PJA2: variants seen among roughly 807,000 people sequenced by gnomAD.
The protein encoded by PJA2 is E3 ubiquitin-protein ligase Praja-2.
Under a neutral mutation model 69.3 loss-of-function variants are expected in PJA2, and 25 were observed. That is an observed-to-expected ratio of 0.36 (90% CI 0.26 to 0.50). PJA2 has a LOEUF of 0.50. Ranked by LOEUF, PJA2 falls within the 20% of genes least tolerant of loss-of-function variation. PJA2 has a pLI of 0.96. For missense variants in PJA2, 809 were observed against 830.2 expected (o/e 0.97, Z 0.31); for synonymous variants, 308 against 277.8 (o/e 1.11, Z -1.08).
chr5:109,403,059 A>T (rs1038720346), intron 1 of PJA2, among the ~76,000 whole-genome samples: 8 of 151,020 alleles, frequency 5.3e-5, no homozygotes, highest in Non-Finnish European at 8.9e-5. Context: ...ACTAACAATT[A>T]AAAAAAAAGC....
intron 5 of PJA2, among the ~76,000 whole-genome samples, chr5:109,367,714 C>A (rs527507705): frequency 1.3e-5 from 2 of 152,150 alleles, no homozygotes; most frequent in Non-Finnish European, 2.9e-5. Flanking sequence ...ATCCAGCAGC[C>A]CATTAAAATA....
chr5:109,370,928 A>AT (rs1762665714), intron 4 of PJA2, among the ~76,000 whole-genome samples: 4 of 152,190 alleles, frequency 2.6e-5, no homozygotes, highest in Admixed American at 2.6e-4. Context: ...TATTAATCAA[A>AT]TAACTCATGG....
chr5:109,365,763 A>G (rs1349710162), intron 5 of PJA2, among the ~76,000 whole-genome samples: 2 of 152,204 alleles, frequency 1.3e-5, no homozygotes, highest in Non-Finnish European at 2.9e-5. Flanking sequence ...AATTATGCAA[A>G]GTACAATAGT....
At chr5:109,408,121 C>T (rs1747732187) in intron 1 of PJA2, among the ~76,000 whole-genome samples, 1 of 152,098 alleles carries the variant, frequency 6.6e-6, no homozygotes, top group African/African-American at 2.4e-5. Context: ...GGAACCCATG[C>T]TCCAGAAATA....
intron 4 of PJA2, 75 bp downstream of exon 4, chr5:109,378,129 G>T: frequency 9.7e-7 from 1 of 1,032,054 alleles, no homozygotes; most frequent in Non-Finnish European, 1.4e-6. Context: ...AAATAGCCCA[G>T]CCATCAAACA....
intron 9 of PJA2, among the ~76,000 whole-genome samples, chr5:109,341,146 G>A (rs1320183056): frequency 1.8e-5 from 2 of 109,340 alleles, no homozygotes; most frequent in African/African-American, 6.5e-5. Context: ...GCCCAGTCTG[G>A]AAAGTGAGGA....
intron 1 of PJA2, among the ~76,000 whole-genome samples, chr5:109,399,137 C>A (rs544635700): frequency 6.7e-6 from 1 of 148,250 alleles, no homozygotes; most frequent in African/African-American, 2.5e-5. Flanking sequence ...CTTTAACCTG[C>A]GTGGCAGAGG....
chr5:109,380,835 A>G (rs1331191935), intron 3 of PJA2, among the ~76,000 whole-genome samples: 1 of 149,716 alleles, frequency 6.7e-6, no homozygotes, highest in African/African-American at 2.4e-5. Context: ...AACGCCAGGC[A>G]TGGTGACTCA....
At chr5:109,375,273 G>C (rs1446980729) in intron 4 of PJA2, among the ~76,000 whole-genome samples, 1 of 152,158 alleles carries the variant, frequency 6.6e-6, no homozygotes, top group Admixed American at 6.5e-5. Context: ...ACTCTGGGAG[G>C]CTGAGGCGGG....
rs1174257401 is a variant in PJA2, at chr5:109,336,296, T to C, written c.*935A>G. 6.6e-6 allele frequency: 1 copy of C among 152,208 alleles called. No homozygotes were observed. Among genetic ancestry groups the C allele is most frequent in the Non-Finnish European group, 1.5e-5 (1 of 68,032 alleles). 9.4% of individuals were successfully genotyped at this position (152,208 alleles called of 1,614,324 possible). A position where few individuals can be genotyped will look rare whatever the true frequency, so the allele number is the denominator to read the frequency against. ...GTGTGATCACCTGAAGGAGACATTG[T>C]GCATCTTAGTTTGGGGTTATATAAT... On this transcript the variant is annotated 3_prime_UTR_variant, in exon 10 of 10. Transcript: ENST00000361189.
chr5:109,343,350 T>TAA (rs55754432), intron 9 of PJA2, among the ~76,000 whole-genome samples: 2 of 40,028 alleles, frequency 5.0e-5, no homozygotes, highest in East Asian at 1.0e-3. Context: ...TAATGTACCA[T>TAA]AAAAAAAAAA....
In PJA2 at chr5:109,378,980, A is replaced by G. The variant is rs35039318; in HGVS notation, c.507T>C (p.Asp169=). The G allele has an allele frequency of 0.046, 73,921 of 1,614,124 alleles. 1,975 individuals carry two copies. The highest frequency in any genetic ancestry group is 0.054 in the Non-Finnish European group (63,454 of 1,179,992). The change falls in exon 4 of 10, where the codon GAT becomes GAC. Residue 169 remains aspartate (D), a synonymous_variant. Transcript: ENST00000361189. ...GIALVHTDSY[D]PDGKHGEDND... ...TATCTTCTCCATGTTTGCCATCTGG[A>G]TCATAAGAGTCTGTATGAACCAATG...
intron 7 of PJA2, among the ~76,000 whole-genome samples, chr5:109,351,059 G>C (rs548751261): frequency 6.8e-6 from 1 of 147,964 alleles, no homozygotes; most frequent in South Asian, 2.2e-4. Context: ...TACTGAGGTA[G>C]AACTGAACTC....
At chr5:109,379,882 C>A (rs1746999657) in intron 3 of PJA2, among the ~76,000 whole-genome samples, 1 of 151,962 alleles carries the variant, frequency 6.6e-6, no homozygotes, top group Admixed American at 6.6e-5. Flanking sequence ...TATGTTGATT[C>A]TTGTCATAAT....
rs143418947 is a variant in PJA2 at position 109,348,402 on chromosome 5, C to G, written c.1765-3583G>C. Reference sequence around the variant, plus strand: ...GCTAAATGAAAATTAGAGTTGACTTCTTAGTCTCATCAAATTTCTCAAAAG... The same window carrying G: ...GCTAAATGAAAATTAGAGTTGACTTGTTAGTCTCATCAAATTTCTCAAAAG... On this transcript the variant is annotated intron_variant, in intron 7 of 9. Transcript: ENST00000361189. Among the ~76,000 whole-genome samples, 106 of 151,942 alleles carry G rather than the reference C, an allele frequency of 7.0e-4. 4 individuals are homozygous for G. The East Asian group carries it at 0.018, about 26-fold the overall frequency.
rs904647705 is a variant in PJA2 at position 109,354,168 on chromosome 5, A to C, written c.1764+1747T>G. 3.4e-4 allele frequency among the ~76,000 whole-genome samples: 47 copies of C among 139,674 alleles called. 8 individuals are homozygous for C. The South Asian group carries it at 7.0e-3, about 21-fold the overall frequency. 91.6% of individuals were successfully genotyped at this position (139,674 alleles called of 152,430 possible). A position where few individuals can be genotyped will look rare whatever the true frequency, so the allele number is the denominator to read the frequency against. On this transcript the variant is annotated intron_variant, in intron 7 of 9. Transcript: ENST00000361189. ...GATTAGATATCTATGATATCTAGAG[A>C]TGTCTATAGATTAGATATCTATGAT...
intron 1 of PJA2, among the ~76,000 whole-genome samples, chr5:109,403,402 C>T (rs182039329): frequency 1.3e-3 from 196 of 152,078 alleles, no homozygotes; most frequent in African/African-American, 4.6e-3. Context: ...GCAAAGAAAA[C>T]TCTAGGACCA....
At chr5:109,377,166 T>C (rs370321660) in intron 4 of PJA2, among the ~76,000 whole-genome samples, 14 of 152,298 alleles carry the variant, frequency 9.2e-5, no homozygotes, top group South Asian at 8.3e-4. Context: ...ATCTGTATTA[T>C]AGTAGCTTAA....
chr5:109,400,265 T>G (rs1474002641), intron 1 of PJA2, among the ~76,000 whole-genome samples: 2 of 149,674 alleles, frequency 1.3e-5, no homozygotes, highest in African/African-American at 5.0e-5. Context: ...CACTCCAGTC[T>G]GGGTGATGGA....
Sources: allele counts gnomAD v4.1 joint callset (sites outside exome capture counted in the v4.1 genomes callset), GRCh38; gene constraint gnomAD v4.1.1; transcripts MANE v1.5; gene names NCBI Gene and HGNC (gene_info 2026-07-23, HGNC 2026-07-21).